NUP93: variants seen among roughly 807,000 people sequenced by gnomAD.
The protein encoded by NUP93 is nucleoporin 93.
Under a neutral mutation model 107.8 loss-of-function variants are expected in NUP93, and 55 were observed. The ratio of observed to expected loss-of-function variants is 0.51; its 90% CI spans 0.41 to 0.64. The LOEUF (loss-of-function observed/expected upper bound fraction) is 0.64. Ranked by LOEUF, NUP93 falls within the 30% of genes least tolerant of loss-of-function variation. NUP93 has a pLI of 0.00. For missense variants in NUP93, 937 were observed against 1,044.7 expected, an observed-to-expected ratio of 0.90 and a Z score of 1.42; for synonymous variants, 390 against 397.5, an observed-to-expected ratio of 0.98 and a Z score of 0.22.
At chr16:56,771,447 A>G (rs1240659231) in intron 3 of NUP93, among the ~76,000 whole-genome samples, 5 of 152,168 alleles carry the variant, frequency 3.3e-5, no homozygotes, top group African/African-American at 9.7e-5. Context: ...TGGTTGGGTA[A>G]ATGCCGTATT....
chr16:56,751,773 T>C (rs2144465505), intron 2 of NUP93, among the ~76,000 whole-genome samples: 1 of 152,326 alleles, frequency 6.6e-6, no homozygotes, highest in Non-Finnish European at 1.5e-5. Flanking sequence ...TCTACTCTCC[T>C]GGAACTGGAA....
chr16:56,838,914 T>C (rs1461545083), intron 18 of NUP93, 38 bp from the exon 19 acceptor site: 1 of 1,400,434 alleles, frequency 7.1e-7, no homozygotes, highest in Non-Finnish European at 1.0e-6. Flanking sequence ...AAATTCCTGA[T>C]ACACTCTTAC....
chr16:56,797,660 G>A (rs1241055476), intron 3 of NUP93, among the ~76,000 whole-genome samples: 1 of 152,144 alleles, frequency 6.6e-6, no homozygotes, highest in Non-Finnish European at 1.5e-5. Flanking sequence ...AAATCTAATC[G>A]ATCCTAATAA....
Position 56,805,652 on chromosome 16 carries a change from T to C in NUP93, c.489+20T>C. 1 of 1,607,474 alleles carries C rather than the reference T, an allele frequency of 6.2e-7. No homozygotes were observed. Among genetic ancestry groups the C allele is most frequent in the Non-Finnish European group, 8.5e-7 (1 of 1,175,476 alleles). On this transcript the variant is annotated intron_variant, in intron 5 of 21. Transcript: ENST00000308159. ...AGCGAGGTAGCTTGAATGCAAAAGA[T>C]AAACTACTGTTAATAAAAACATGAA...
chr16:56,766,470 C>T (rs1048855683), intron 3 of NUP93, among the ~76,000 whole-genome samples: 17 of 152,296 alleles, frequency 1.1e-4, no homozygotes, highest in East Asian at 3.9e-4. Flanking sequence ...ATAAATTGCT[C>T]GGTTGCAGGA....
intron 4 of NUP93, among the ~76,000 whole-genome samples, chr16:56,799,335 C>G (rs1962970569): frequency 6.6e-6 from 1 of 152,212 alleles, no homozygotes; most frequent in African/African-American, 2.4e-5. Context: ...CCGCCAAAGA[C>G]CAGCCATTAT....
At chr16:56,822,234 C>T (rs776787555) in intron 7 of NUP93, among the ~76,000 whole-genome samples, 3 of 151,746 alleles carry the variant, frequency 2.0e-5, no homozygotes, top group South Asian at 2.1e-4. Flanking sequence ...TTGCTCAGCC[C>T]GTTGTGGTGG....
In NUP93 at chr16:56,796,181, A is replaced by C. The variant is rs927719524; in HGVS notation, c.298-2295A>C. ...TTCTTAAAAAGACTGAACAGAATAC[A>C]CTAATGTGCCACATAATGATGTTTT... On this transcript the variant is annotated intron_variant, in intron 3 of 21. Transcript: ENST00000308159. Among the ~76,000 whole-genome samples the C allele has an allele frequency of 2.0e-5, 3 of 152,218 alleles. No individual in the cohort carries two copies. In the East Asian group the frequency reaches 5.8e-4, roughly 29 times the overall value.
At chr16:56,801,176 CTT>C (rs1210485456) in intron 4 of NUP93, among the ~76,000 whole-genome samples, 4 of 152,152 alleles carry the variant, frequency 2.6e-5, no homozygotes, top group Non-Finnish European at 5.9e-5. Context: ...CTCCTCTTCT[CTT>C]AGTTATTAGT....
Position 56,829,114 on chromosome 16 carries a change from T to C in NUP93, c.927+5T>C, listed in dbSNP as rs1348832813. ...GCTCCCTTGCCTGGACTACAGGTAC[T>C]GACAACTTTCTCTGTGTGATCAGTT... On this transcript the variant is annotated splice_donor_5th_base_variant and intron_variant, in intron 9 of 21. Coordinates refer to ENST00000308159, the MANE Select transcript of NUP93 (RefSeq NM_014669.5). 2 of 1,610,262 alleles carry C rather than the reference T, an allele frequency of 1.2e-6. No individual in the cohort carries two copies. The highest frequency in any genetic ancestry group is 8.5e-7 in the Non-Finnish European group (1 of 1,179,040).
At chr16:56,808,133 T>A (rs1266954573) in intron 5 of NUP93, among the ~76,000 whole-genome samples, 2 of 107,370 alleles carry the variant, frequency 1.9e-5, no homozygotes, top group African/African-American at 7.3e-5. Context: ...ACTATATAAA[T>A]ATATTTATAT....
At chr16:56,810,714 G>C (rs1963296762) in intron 5 of NUP93, among the ~76,000 whole-genome samples, 1 of 151,880 alleles carries the variant, frequency 6.6e-6, no homozygotes, top group African/African-American at 2.4e-5. Flanking sequence ...ACCCAGATGA[G>C]GAAACAGAAC....
At chr16:56,827,101 T>G (rs1963683856) in intron 8 of NUP93, among the ~76,000 whole-genome samples, 1 of 150,616 alleles carries the variant, frequency 6.6e-6, no homozygotes, top group East Asian at 1.9e-4. Context: ...TTATTAAGAT[T>G]TAGGTTGTTT....
chr16:56,768,433 C>T (rs971910800), intron 3 of NUP93, among the ~76,000 whole-genome samples: 1 of 151,958 alleles, frequency 6.6e-6, no homozygotes, highest in Non-Finnish European at 1.5e-5. Flanking sequence ...CGTGGTGGCG[C>T]ATGCCTGTAA....
At chr16:56,802,505 G>A (rs1385983409) in intron 4 of NUP93, among the ~76,000 whole-genome samples, 2 of 152,098 alleles carry the variant, frequency 1.3e-5, no homozygotes, top group African/African-American at 4.8e-5. Flanking sequence ...TTTAAAATTT[G>A]TAATTATCAT....
At chr16:56,809,202 C>G (rs1963258973) in intron 5 of NUP93, among the ~76,000 whole-genome samples, 3 of 152,122 alleles carry the variant, frequency 2.0e-5, no homozygotes, top group African/African-American at 7.2e-5. Flanking sequence ...CAGGGCTTGC[C>G]ACACATTTAC....
Position 56,841,851 on chromosome 16 carries a change from G to T in NUP93, c.2349+18G>T, listed in dbSNP as rs749173728. The T allele has an allele frequency of 6.2e-7, 1 of 1,613,020 alleles. No individual in the cohort carries two copies. Among genetic ancestry groups the T allele is most frequent in the Non-Finnish European group, 8.5e-7 (1 of 1,179,576 alleles). ...GCGACTCTGTAAGATCCCAGCATTCGCGAGAAACATTGCTAAGCACCACCT... is the reference window on the plus strand; with the variant it reads ...GCGACTCTGTAAGATCCCAGCATTCTCGAGAAACATTGCTAAGCACCACCT... On this transcript the variant is annotated intron_variant, in intron 21 of 21. Transcript: ENST00000308159.
intron 2 of NUP93, among the ~76,000 whole-genome samples, chr16:56,754,220 G>T (rs534812518): frequency 6.6e-6 from 1 of 152,198 alleles, no homozygotes; most frequent in South Asian, 2.1e-4. Context: ...TTGCCCCTAT[G>T]GTCCAGTCAT....
At chr16:56,798,962 C>G (rs1336698968) in intron 4 of NUP93, among the ~76,000 whole-genome samples, 1 of 151,792 alleles carries the variant, frequency 6.6e-6, no homozygotes, top group East Asian at 1.9e-4. Context: ...GCCCAGTTCT[C>G]TCCTACAGAG....
Sources: allele counts gnomAD v4.1 joint callset (sites outside exome capture counted in the v4.1 genomes callset), GRCh38; gene constraint gnomAD v4.1.1; transcripts MANE v1.5; gene names NCBI Gene and HGNC (gene_info 2026-07-23, HGNC 2026-07-21).